COL4A6: variants seen among roughly 807,000 people sequenced by gnomAD.
COL4A6 encodes the protein collagen alpha-6(IV) chain.
Under a neutral mutation model 126.7 loss-of-function variants are expected in COL4A6, and 59 were observed. That is an observed-to-expected ratio of 0.47 (90% confidence interval 0.38 to 0.58). The LOEUF is 0.58. COL4A6 is among the 20% of genes least tolerant of loss of function. The pLI is 0.00. For missense variants in COL4A6, 1,285 were observed against 1,337.3 expected (o/e 0.96, Z 0.61); for synonymous variants, 547 against 496.6 (o/e 1.10, Z -1.35).
chrX:108,379,579 C>A (rs953449844), intron 2 of COL4A6, among the ~76,000 whole-genome samples: 3 of 107,244 alleles, frequency 2.8e-5, no homozygotes, highest in Non-Finnish European at 5.8e-5. Context: ...TACCTAAACT[C>A]TTCTAAATTA....
chrX:108,380,702 G>C, intron 2 of COL4A6, among the ~76,000 whole-genome samples: 1 of 112,016 alleles, frequency 8.9e-6, no homozygotes, highest in Non-Finnish European at 1.9e-5. Flanking sequence ...ATTCTTCTTA[G>C]AGAATATGGA....
At chrX:108,422,381 G>A (rs2063995816) in intron 2 of COL4A6, among the ~76,000 whole-genome samples, 1 of 111,376 alleles carries the variant, frequency 9.0e-6, no homozygotes, top group South Asian at 3.8e-4. Context: ...AAAGAAAAAG[G>A]AAATAAAAAT....
At chrX:108,403,072 C>T (rs2041123498) in intron 2 of COL4A6, among the ~76,000 whole-genome samples, 1 of 111,030 alleles carries the variant, frequency 9.0e-6, no homozygotes, top group African/African-American at 3.3e-5. Flanking sequence ...TTGTTATTTT[C>T]TTCTTGCATT....
chrX:108,386,681 T>G (rs1569452043), intron 2 of COL4A6, among the ~76,000 whole-genome samples: 1 of 111,951 alleles, frequency 8.9e-6, no homozygotes, highest in Non-Finnish European at 1.9e-5. Flanking sequence ...GTAACTGTGA[T>G]GATAGTTTCT....
chrX:108,338,190 A>G (rs967853044), intron 2 of COL4A6, among the ~76,000 whole-genome samples: 7 of 111,886 alleles, frequency 6.3e-5, no homozygotes, highest in African/African-American at 9.7e-5. Context: ...CCCAGTGTTT[A>G]ACCATAAGAA....
At chrX:108,268,760 A>G (rs1270265918) in intron 3 of COL4A6, 1 of 149,952 alleles carries the variant, frequency 6.7e-6, no homozygotes, top group Non-Finnish European at 1.3e-5. Context: ...AGCCAGCATG[A>G]CATTTGAGGG....
intron 25 of COL4A6, among the ~76,000 whole-genome samples, chrX:108,179,849 C>T (rs1170846300): frequency 2.8e-5 from 3 of 107,505 alleles, no homozygotes; most frequent in Non-Finnish European, 5.7e-5. Flanking sequence ...AGATGAGCCC[C>T]GAGCCCTAGA....
intron 3 of COL4A6, among the ~76,000 whole-genome samples, chrX:108,240,774 C>T: frequency 8.9e-6 from 1 of 112,440 alleles, no homozygotes; most frequent in Non-Finnish European, 1.9e-5. Flanking sequence ...ACATGACTCT[C>T]ATTTAAAAAT....
At chrX:108,292,045 T>TA (rs1342775460) in intron 3 of COL4A6, among the ~76,000 whole-genome samples, 5 of 112,144 alleles carry the variant, frequency 4.5e-5, no homozygotes, top group African/African-American at 1.6e-4. Context: ...TATGTAGAAT[T>TA]ATTATACTCC....
chrX:108,358,888 A>C (rs1470897815), intron 2 of COL4A6, among the ~76,000 whole-genome samples: 2 of 111,669 alleles, frequency 1.8e-5, no homozygotes, highest in Non-Finnish European at 3.8e-5. Context: ...CTGAAATGGA[A>C]AGCTAGGAGT....
intron 7 of COL4A6, 83 bp downstream of exon 7, chrX:108,211,589 G>T: frequency 1.1e-6 from 1 of 884,942 alleles, no homozygotes; most frequent in Non-Finnish European, 1.6e-6. Context: ...GCTAGTTCTG[G>T]AAATGTTTTC....
intron 2 of COL4A6, among the ~76,000 whole-genome samples, chrX:108,421,502 T>C (rs1243800342): frequency 9.0e-6 from 1 of 111,722 alleles, no homozygotes; most frequent in Non-Finnish European, 1.9e-5. Flanking sequence ...GATGAGGAAG[T>C]GAACTTTAAG....
intron 3 of COL4A6, among the ~76,000 whole-genome samples, chrX:108,244,688 G>C (rs754596016): frequency 2.7e-5 from 3 of 111,681 alleles, no homozygotes; most frequent in Non-Finnish European, 3.8e-5. Context: ...TGAAATGGTT[G>C]GAATGAGTAA....
intron 2 of COL4A6, among the ~76,000 whole-genome samples, chrX:108,402,238 C>T (rs939751277): frequency 5.4e-5 from 6 of 111,264 alleles, no homozygotes; most frequent in African/African-American, 1.6e-4. Context: ...GAATGCATTT[C>T]TTTAATCGTT....
intron 2 of COL4A6, among the ~76,000 whole-genome samples, chrX:108,434,718 T>TG (rs1158994348): frequency 2.8e-5 from 3 of 108,619 alleles, no homozygotes; most frequent in African/African-American, 1.0e-4. Flanking sequence ...GATGATTTAC[T>TG]TAATAGTGTA....
At chrX:108,194,309 C>T (rs2035144060) in intron 16 of COL4A6, among the ~76,000 whole-genome samples, 1 of 112,129 alleles carries the variant, frequency 8.9e-6, no homozygotes, top group African/African-American at 3.2e-5. Flanking sequence ...TCGGGATGAA[C>T]TTGCTCCCAC....
At chrX:108,278,750 G>T (rs1157741041) in intron 3 of COL4A6, among the ~76,000 whole-genome samples, 1 of 108,282 alleles carries the variant, frequency 9.2e-6, no homozygotes, top group Non-Finnish European at 1.9e-5. Context: ...GAGAAAGGTC[G>T]GGTTACCCAC....
rs1045601103 is a variant in COL4A6 at position 108,269,496 on chromosome X, G to T, written c.144+41252C>A. ...TTTTCAAGCTAGATTTGAGCAACTC[G>T]GTCTAAAATTTGACTCAGACCAGAC... On this transcript the variant is annotated intron_variant, in intron 3 of 44. Transcript: ENST00000334504. Among the ~76,000 whole-genome samples the T allele has an allele frequency of 2.7e-5, 3 of 111,127 alleles. No homozygotes were observed. The South Asian group carries it at 1.2e-3, about 43-fold the overall frequency.
chrX:108,349,423 T>C, intron 2 of COL4A6, among the ~76,000 whole-genome samples: 1 of 111,869 alleles, frequency 8.9e-6, no homozygotes, highest in Admixed American at 9.5e-5. Flanking sequence ...ATTAGGGGGC[T>C]CAGACTTTGG....
Sources: gnomAD v4.1 joint callset for allele counts (sites outside exome capture counted in the v4.1 genomes callset) on GRCh38, gnomAD v4.1.1 for gene constraint, MANE v1.5 for transcripts, NCBI Gene and HGNC (gene_info 2026-07-23, HGNC 2026-07-21) for gene names.